Variants in LDLRAD4 observed in about 807,000 individuals in gnomAD.
The protein encoded by LDLRAD4 is low density lipoprotein receptor class A domain containing 4, also known as low-density lipoprotein receptor class A domain-containing protein 4.
A neutral mutation model predicts 17.0 loss-of-function variants in LDLRAD4; 5 were observed. That is an observed-to-expected ratio of 0.29 (90% confidence interval 0.15 to 0.62). LDLRAD4 has a LOEUF of 0.62. LDLRAD4 is among the 20% of genes least tolerant of loss of function. The pLI, the probability that LDLRAD4 is intolerant of heterozygous loss-of-function variation, is 0.84. For missense variants in LDLRAD4, 340 were observed against 424.7 expected (o/e 0.80, Z 1.75); for synonymous variants, 168 against 171.8 (o/e 0.98, Z 0.17).
At chr18:13,629,526 C>T (rs916990278) in intron 4 of LDLRAD4, among the ~76,000 whole-genome samples, 1 of 152,192 alleles carries the variant, frequency 6.6e-6, no homozygotes, top group African/African-American at 2.4e-5. Flanking sequence ...AATTACAAAA[C>T]ATCCTCTGAT....
intron 3 of LDLRAD4, among the ~76,000 whole-genome samples, chr18:13,532,960 T>G (rs1237201769): frequency 1.3e-5 from 2 of 152,200 alleles, no homozygotes; most frequent in Non-Finnish European, 2.9e-5. Flanking sequence ...GTTTTCTGAA[T>G]GAGAAGCAAA....
intron 3 of LDLRAD4, chr18:13,616,113 C>A (rs947515430): frequency 6.6e-6 from 1 of 152,214 alleles, no homozygotes; most frequent in Admixed American, 6.5e-5. Flanking sequence ...AAACCCAAAC[C>A]CCAGGTGTCT....
intron 3 of LDLRAD4, chr18:13,490,289 T>C (rs2093332216): frequency 6.6e-6 from 1 of 152,232 alleles, no homozygotes; most frequent in African/African-American, 2.4e-5. Context: ...AGAAACATTT[T>C]AAGTGACAAT....
chr18:13,250,909 C>G (rs1462071495), intron 1 of LDLRAD4, among the ~76,000 whole-genome samples: 1 of 152,118 alleles, frequency 6.6e-6, no homozygotes, highest in African/African-American at 2.4e-5. Flanking sequence ...ACACAAAAAG[C>G]AAATAAGAAC....
At chr18:13,640,272 A>T (rs2187028) in intron 4 of LDLRAD4, among the ~76,000 whole-genome samples, 2 of 136,784 alleles carry the variant, frequency 1.5e-5, no homozygotes, top group African/African-American at 5.6e-5. Flanking sequence ...CAGCCTGGGC[A>T]ACAGAGCGAG....
chr18:13,439,364 A>T (rs1348075176), intron 3 of LDLRAD4, among the ~76,000 whole-genome samples: 1 of 152,252 alleles, frequency 6.6e-6, no homozygotes, highest in Non-Finnish European at 1.5e-5. Context: ...CCAATATAAA[A>T]ATGACTGTGC....
chr18:13,225,359 G>A (rs2041726174), intron 1 of LDLRAD4, among the ~76,000 whole-genome samples: 1 of 152,178 alleles, frequency 6.6e-6, no homozygotes, highest in African/African-American at 2.4e-5. Context: ...CACAGCTCTT[G>A]AGCCACCCCC....
intron 1 of LDLRAD4, chr18:13,234,857 C>T (rs950993250): frequency 6.6e-6 from 1 of 152,194 alleles, no homozygotes; most frequent in Admixed American, 6.5e-5. Flanking sequence ...AACTTTTGCC[C>T]TTCCATTCTC....
intron 1 of LDLRAD4, chr18:13,279,825 G>A (rs1175002237): frequency 1.3e-5 from 2 of 152,250 alleles, no homozygotes; most frequent in Non-Finnish European, 2.9e-5. Flanking sequence ...CAATTTTCAA[G>A]CACAGACTTA....
chr18:13,301,459 A>G (rs2046597605), intron 1 of LDLRAD4, among the ~76,000 whole-genome samples: 1 of 152,032 alleles, frequency 6.6e-6, no homozygotes, highest in Admixed American at 6.5e-5. Context: ...AGATTCTCTT[A>G]ACAGAGCTCT....
chr18:13,644,567 C>CAAAA (rs34551820), intron 5 of LDLRAD4, among the ~76,000 whole-genome samples: 5 of 136,620 alleles, frequency 3.7e-5, no homozygotes, highest in African/African-American at 1.3e-4. Flanking sequence ...GACCCTGTCT[C>CAAAA]AAAAAAAAAA....
At chr18:13,530,142 T>C (rs1029300206) in intron 3 of LDLRAD4, among the ~76,000 whole-genome samples, 3 of 152,214 alleles carry the variant, frequency 2.0e-5, no homozygotes, top group African/African-American at 7.2e-5. Context: ...CTTCCAGCCA[T>C]GTGTCTCCAG....
intron 3 of LDLRAD4, chr18:13,520,468 C>G (rs1000459004): frequency 6.6e-6 from 1 of 152,208 alleles, no homozygotes; most frequent in Non-Finnish European, 1.5e-5. Context: ...GGGAGGACAT[C>G]GTGTACACGG....
At position 13,645,901 on chromosome 18, in the gene LDLRAD4, G is replaced by A. The variant is rs2042997668; in HGVS notation, c.*244G>A. 1 of 370,288 alleles carries A rather than the reference G, an allele frequency of 2.7e-6. No individual in the cohort carries two copies. The highest frequency in any genetic ancestry group is 4.1e-5 in the East Asian group (1 of 24,510). The allele number at this position is 370,288 out of a possible 1,614,324, so 22.9% of individuals were successfully genotyped here. Reference sequence around the variant, plus strand: ...ATTTGGGGACAGGGGTTGGGATGGGGGTGTGGGCAGGGGAAAACAGAGAAC... The same window carrying A: ...ATTTGGGGACAGGGGTTGGGATGGGAGTGTGGGCAGGGGAAAACAGAGAAC... On this transcript the variant is annotated 3_prime_UTR_variant, in exon 6 of 6. Coordinates refer to ENST00000359446, the Ensembl canonical transcript of LDLRAD4. The surrounding 1 kb of genome is among the most constrained non-coding windows in gnomAD (Gnocchi z 5.7).
chr18:13,647,015 G>A (rs1306070001), exon 6 of LDLRAD4: 1 of 152,256 alleles, frequency 6.6e-6, no homozygotes, highest in East Asian at 1.9e-4. Flanking sequence ...ACTAGTATTA[G>A]CATAGCATTC....
chr18:13,543,253 G>A (rs895556501), intron 3 of LDLRAD4: 3 of 152,192 alleles, frequency 2.0e-5, no homozygotes, highest in East Asian at 1.9e-4. Context: ...GGATCTAAAA[G>A]GGGCTGGAAC....
chr18:13,437,321 G>A (rs2090730126), intron 2 of LDLRAD4, among the ~76,000 whole-genome samples: 1 of 152,240 alleles, frequency 6.6e-6, no homozygotes, highest in Non-Finnish European at 1.5e-5. Context: ...AATCCTGCCA[G>A]CTTCTGTGGT....
intron 3 of LDLRAD4, among the ~76,000 whole-genome samples, chr18:13,550,773 G>A (rs980581376): frequency 1.1e-4 from 16 of 152,210 alleles, no homozygotes; most frequent in Admixed American, 2.6e-4. Context: ...TGGGAAGAGC[G>A]AGACTCCAAG....
chr18:13,640,153 T>C (rs1786508), intron 4 of LDLRAD4, among the ~76,000 whole-genome samples: 137,647 of 151,872 alleles, frequency 0.91, 62,666 homozygotes, highest in East Asian at 1. Flanking sequence ...ATTAGCTGGG[T>C]GTGGTGGCGG....
Sources: gnomAD v4.1 joint callset for allele counts (sites outside exome capture counted in the v4.1 genomes callset) on GRCh38, gnomAD v4.1.1 for gene constraint, Gnocchi (gnomAD v3.1) non-coding constraint, MANE v1.5 for transcripts, NCBI Gene and HGNC (gene_info 2026-07-23, HGNC 2026-07-21) for gene names.